Variants in MAML3 observed in about 807,000 individuals in gnomAD.
The protein encoded by MAML3 is mastermind like transcriptional coactivator 3.
A neutral mutation model predicts 101.9 loss-of-function variants in MAML3; 27 were observed. The observed-to-expected ratio is 0.27, with a 90% CI of 0.20 to 0.37. MAML3 has a LOEUF of 0.37. Ranked by LOEUF, MAML3 falls within the 10% of genes least tolerant of loss-of-function variation. The pLI is 1.00. For missense variants in MAML3, 1,316 were observed against 1,444.9 expected (o/e 0.91, Z 1.45); for synonymous variants, 501 against 555.9 (o/e 0.90, Z 1.39).
intron 1 of MAML3, among the ~76,000 whole-genome samples, chr4:139,957,102 TCTA>T (rs1247831414): frequency 1.3e-5 from 2 of 152,166 alleles, no homozygotes; most frequent in Non-Finnish European, 2.9e-5. Flanking sequence ...TTAGGCCCAG[TCTA>T]CTTTCAGATG....
At chr4:139,980,203 T>A (rs1269063533) in intron 1 of MAML3, among the ~76,000 whole-genome samples, 1 of 152,156 alleles carries the variant, frequency 6.6e-6, no homozygotes, top group East Asian at 1.9e-4. Context: ...GGATCCCTCA[T>A]GTCATCTGGA....
In MAML3 at chr4:140,153,436, C is replaced by A. The variant is rs938318035; in HGVS notation, c.-109G>T. 8.6e-6 allele frequency: 11 copies of A among 1,285,508 alleles called. 1 individual carries two copies. The South Asian group carries it at 1.9e-4, about 22-fold the overall frequency. The allele number at this position is 1,285,508 out of a possible 1,614,324, so 79.6% of individuals were successfully genotyped here. On this transcript the variant is annotated 5_prime_UTR_variant, in exon 1 of 5. Coordinates refer to ENST00000509479, the MANE Select transcript of MAML3 (RefSeq NM_018717.5). ...TAGTTTAAGTGGAACGCGGGGGAGA[C>A]GCAAGCACATGGATGGAAACGGCGA...
rs1421056408 is a variant in MAML3, at chr4:139,889,480, T to TGGC, written c.1953_1955dup (p.Pro654dup). ...CCCTGGGGGCCTGGAGCTGTGGAGG[T>TGGC]GGCGGCTGCTGCTGCTGCTGCTGCT... On this transcript the variant is annotated inframe_insertion, in exon 2 of 5. Transcript: ENST00000509479. 3.1e-6 allele frequency: 5 copies of TGGC among 1,611,074 alleles called. No individual in the cohort carries two copies. The Admixed American group carries it at 5.0e-5, about 16-fold the overall frequency.
At chr4:139,994,678 T>C (rs28828150) in intron 1 of MAML3, among the ~76,000 whole-genome samples, 1 of 151,918 alleles carries the variant, frequency 6.6e-6, no homozygotes, top group Non-Finnish European at 1.5e-5. Flanking sequence ...ATGAATGAAT[T>C]AATTAATTAA....
chr4:139,837,435 T>C (rs1731274827), intron 2 of MAML3, among the ~76,000 whole-genome samples: 1 of 151,836 alleles, frequency 6.6e-6, no homozygotes, highest in East Asian at 1.9e-4. Context: ...GAAGTGGACC[T>C]TGCAGTGAGC....
At chr4:140,137,136 C>A (rs2111048873) in intron 1 of MAML3, among the ~76,000 whole-genome samples, 1 of 152,194 alleles carries the variant, frequency 6.6e-6, no homozygotes, top group East Asian at 1.9e-4. Context: ...TTACAGGCGC[C>A]CGCCACCGCG....
At chr4:139,860,304 TTCCCAGAAAGCC>T (rs1731753134) in intron 2 of MAML3, among the ~76,000 whole-genome samples, 2 of 152,176 alleles carry the variant, frequency 1.3e-5, no homozygotes, top group South Asian at 2.1e-4. Flanking sequence ...GTCCCCTGGG[TTCCCAGAAAGCC>T]CTTGAGAGAG....
At chr4:140,083,072 G>C (rs776086067) in intron 1 of MAML3, among the ~76,000 whole-genome samples, 2 of 152,142 alleles carry the variant, frequency 1.3e-5, no homozygotes, top group South Asian at 4.1e-4. Flanking sequence ...ATAGTTTCAT[G>C]TTTACAACAA....
intron 2 of MAML3, among the ~76,000 whole-genome samples, chr4:139,758,102 T>C (rs911000231): frequency 6.6e-6 from 1 of 152,198 alleles, no homozygotes; most frequent in African/African-American, 2.4e-5. Context: ...TAGGACCTAA[T>C]GACTTAGTGA....
intron 1 of MAML3, among the ~76,000 whole-genome samples, chr4:139,931,502 G>GC (rs971307280): frequency 2.6e-5 from 4 of 152,106 alleles, no homozygotes; most frequent in African/African-American, 7.2e-5. Context: ...AGGTTTTTAT[G>GC]CTTTAATACG....
chr4:139,937,848 A>T (rs1733535907), intron 1 of MAML3, among the ~76,000 whole-genome samples: 1 of 152,182 alleles, frequency 6.6e-6, no homozygotes, highest in Non-Finnish European at 1.5e-5. Flanking sequence ...TAGGAGAACT[A>T]CATCCATAAA....
intron 1 of MAML3, among the ~76,000 whole-genome samples, chr4:140,118,164 GT>G (rs398064094): frequency 0.01 from 1,458 of 141,580 alleles, 13 homozygotes; most frequent in African/African-American, 0.021. Context: ...TTGTGGGTTT[GT>G]TTTTTTTTTT....
At position 139,719,201 on chromosome 4, in the gene MAML3, T is replaced by C; in HGVS notation, c.*122A>G. ...CCTGGATCTTCCATTGTCAGCCAGC[T>C]GCAGTTTTGCTCAGTTTACGTGGGT... On this transcript the variant is annotated 3_prime_UTR_variant, in exon 5 of 5. Coordinates refer to ENST00000509479, the MANE Select transcript of MAML3 (RefSeq NM_018717.5). 1 of 1,128,680 alleles carries C rather than the reference T, an allele frequency of 8.9e-7. No homozygotes were observed. 69.9% of individuals were successfully genotyped at this position (1,128,680 alleles called of 1,614,324 possible).
intron 1 of MAML3, among the ~76,000 whole-genome samples, chr4:140,012,159 T>A (rs1453023010): frequency 6.6e-6 from 1 of 152,200 alleles, no homozygotes; most frequent in Non-Finnish European, 1.5e-5. Flanking sequence ...ACCCAAAAAA[T>A]TTTATTTTGG....
At position 139,995,380 on chromosome 4, in the gene MAML3, C is replaced by A. The variant is rs182850558; in HGVS notation, c.469-104413G>T. Among the ~76,000 whole-genome samples, 34 of 152,276 alleles carry A rather than the reference C, an allele frequency of 2.2e-4. No individual in the cohort carries two copies. The East Asian group carries it at 5.8e-3, about 26-fold the overall frequency. ...TTGTCTGGCATTAGTATCCTAAGTT[C>A]AGAAGTGTTCCCTTCTCTATTTTCA... On this transcript the variant is annotated intron_variant, in intron 1 of 4. Coordinates refer to ENST00000509479, the MANE Select transcript of MAML3 (RefSeq NM_018717.5).
chr4:139,815,839 G>C (rs899497134), intron 2 of MAML3, among the ~76,000 whole-genome samples: 1 of 152,072 alleles, frequency 6.6e-6, no homozygotes, highest in Non-Finnish European at 1.5e-5. Flanking sequence ...ATTCATCTTA[G>C]ACCTCAGGAG....
At chr4:139,915,103 T>G (rs1423121857) in intron 1 of MAML3, among the ~76,000 whole-genome samples, 1 of 152,204 alleles carries the variant, frequency 6.6e-6, no homozygotes, top group Non-Finnish European at 1.5e-5. Context: ...ACTCCCATAT[T>G]ACAAAGACAT....
chr4:139,748,481 G>C (rs974995599), intron 2 of MAML3, among the ~76,000 whole-genome samples: 2 of 152,132 alleles, frequency 1.3e-5, no homozygotes, highest in African/African-American at 2.4e-5. Flanking sequence ...GTACAACAAG[G>C]GGGAGAGAAC....
chr4:139,840,446 T>C (rs1731341114), intron 2 of MAML3, among the ~76,000 whole-genome samples: 1 of 152,084 alleles, frequency 6.6e-6, no homozygotes. Context: ...TTTAGGGAAA[T>C]GCCAAATACC....
Sources: gnomAD v4.1 joint callset for allele counts (sites outside exome capture counted in the v4.1 genomes callset) on GRCh38, gnomAD v4.1.1 for gene constraint, MANE v1.5 for transcripts, NCBI Gene and HGNC (gene_info 2026-07-23, HGNC 2026-07-21) for gene names.